ZNF462: variants seen among roughly 807,000 people sequenced by gnomAD.
ZNF462 encodes the protein zinc finger PBX1-interacting protein.
A neutral mutation model predicts 201.9 loss-of-function variants in ZNF462; 10 were observed. The observed-to-expected ratio is 0.05, with a 90% confidence interval of 0.03 to 0.08. The LOEUF (loss-of-function observed/expected upper bound fraction) is 0.08. ZNF462 is among the 10% of genes least tolerant of loss of function. ZNF462 has a pLI of 1.00. For synonymous variants in ZNF462, 1,227 were observed against 1,193.3 expected (o/e 1.03, Z -0.58); for missense variants, 2,523 against 3,168.3 (o/e 0.80, Z 4.89).
intron 1 of ZNF462, among the ~76,000 whole-genome samples, chr9:106,896,483 C>T (rs542216736): frequency 3.9e-5 from 6 of 152,240 alleles, no homozygotes; most frequent in South Asian, 2.1e-4. Flanking sequence ...CACCTAATCT[C>T]GGTTGCAGGA....
At chr9:106,918,792 A>G (rs1829879861) in intron 1 of ZNF462, among the ~76,000 whole-genome samples, 1 of 152,202 alleles carries the variant, frequency 6.6e-6, no homozygotes, top group Non-Finnish European at 1.5e-5. Context: ...TAGCTGAACT[A>G]TTCCAGAATT....
intron 7 of ZNF462, among the ~76,000 whole-genome samples, chr9:106,943,961 T>C (rs901347180): frequency 1.3e-5 from 2 of 152,284 alleles, no homozygotes; most frequent in Non-Finnish European, 2.9e-5. Context: ...TCTGCCAAGA[T>C]AAAAAAATCT....
Position 106,917,603 on chromosome 9 carries a change from C to G in ZNF462, c.-30-5751C>G, listed in dbSNP as rs1829826537. On this transcript the variant is annotated intron_variant, in intron 1 of 12. Coordinates refer to ENST00000277225, the MANE Select transcript of ZNF462 (RefSeq NM_021224.6). The surrounding 1 kb of genome is among the most constrained non-coding windows in gnomAD (Gnocchi z 4.5). ...TTGGTTTTGAAGAACAGCTGTGTCT[C>G]CCTTCTGAATTCCTTAATTATTTAT... Among the ~76,000 whole-genome samples the G allele has an allele frequency of 6.6e-6, 1 of 152,142 alleles. No individual in the cohort carries two copies. Among genetic ancestry groups the G allele is most frequent in the East Asian group, 1.9e-4 (1 of 5,198 alleles).
At chr9:106,894,201 C>T (rs1218510181) in intron 1 of ZNF462, among the ~76,000 whole-genome samples, 3 of 152,216 alleles carry the variant, frequency 2.0e-5, no homozygotes, top group African/African-American at 7.2e-5. Flanking sequence ...AGCCCATGCT[C>T]CTCACTGCCA....
rs79210444 is a variant in ZNF462 at position 106,984,621 on chromosome 9, T to G, written c.7056+212T>G. Reference sequence around the variant, plus strand: ...GGTTGGGTGGAAGGGAAATCACCCATAATTCTACCACACTAGTCCAAATGC... The same window carrying G: ...GGTTGGGTGGAAGGGAAATCACCCAGAATTCTACCACACTAGTCCAAATGC... On this transcript the variant is annotated intron_variant, in intron 10 of 12. Coordinates refer to ENST00000277225, the MANE Select transcript of ZNF462 (RefSeq NM_021224.6). The surrounding 1 kb of genome is among the most constrained non-coding windows in gnomAD (Gnocchi z 6.4). Among the ~76,000 whole-genome samples the G allele has an allele frequency of 0.027, 4,086 of 152,318 alleles. 180 individuals carry two copies. The highest frequency in any genetic ancestry group is 0.093 in the African/African-American group (3,876 of 41,560).
At chr9:106,879,195 T>C (rs1827973587) in intron 1 of ZNF462, among the ~76,000 whole-genome samples, 1 of 152,094 alleles carries the variant, frequency 6.6e-6, no homozygotes, top group Non-Finnish European at 1.5e-5. Context: ...CAGGAGATAA[T>C]TCAGCTGGGC....
chr9:106,885,393 G>A lies in ZNF462; in HGVS notation c.-31+22038G>A, dbSNP rs1252422915. 6.6e-6 allele frequency among the ~76,000 whole-genome samples: 1 copy of A among 152,168 alleles called. No individual in the cohort carries two copies. The highest frequency in any genetic ancestry group is 2.1e-4 in the South Asian group (1 of 4,828). On this transcript the variant is annotated intron_variant, in intron 1 of 12. Coordinates refer to ENST00000277225, the MANE Select transcript of ZNF462 (RefSeq NM_021224.6). This position sits in a 1 kb window ranked among gnomAD's most constrained non-coding sequence, Gnocchi z 4.1. ...AAAATAATTTGAGAAAACTTGTCTG[G>A]TTGACAGTAATTTTTTAGTAACAGA...
chr9:106,926,784 A>G lies in ZNF462; in HGVS notation c.2872A>G (p.Ile958Val). ...CACGGTGAAGATCAACAACGCGATG[A>G]TATTTTCAAGCTATGTCGTGGAGCA... Reference protein sequence around the residue: ...HPTVKINNAMIFSSYVVEQQE... With the variant: ...HPTVKINNAMVFSSYVVEQQE... Residue 958 changes from isoleucine (I) to valine (V), a missense_variant, in exon 3 of 13, where the codon ATA becomes GTA. Around this residue, in one of 15 missense-constraint regions of ZNF462, gnomAD observed 280 missense variants for 321.3 expected, o/e 0.87. Coordinates refer to ENST00000277225, the MANE Select transcript of ZNF462 (RefSeq NM_021224.6). This position sits in a 1 kb window ranked among gnomAD's most constrained non-coding sequence, Gnocchi z 7.9. 1.2e-6 allele frequency: 2 copies of G among 1,614,174 alleles called. No individual in the cohort carries two copies. Among genetic ancestry groups the G allele is most frequent in the South Asian group, 1.1e-5 (1 of 91,080 alleles).
chr9:106,956,508 C>G (rs1831580796), intron 7 of ZNF462, among the ~76,000 whole-genome samples: 1 of 152,148 alleles, frequency 6.6e-6, no homozygotes, highest in African/African-American at 2.4e-5. Context: ...CTGCTGTCAA[C>G]ATAAAGTCAC....
intron 1 of ZNF462, among the ~76,000 whole-genome samples, chr9:106,869,225 G>A (rs1323783592): frequency 1.4e-4 from 21 of 152,188 alleles, no homozygotes; most frequent in Non-Finnish European, 2.9e-4. Context: ...TGGCTGAGAG[G>A]GTGAAATCCA....
In ZNF462 at chr9:106,974,148, C is replaced by A; in HGVS notation, c.6707C>A (p.Thr2236Asn). ...SFYTGFKSAF[T>N]MHVEAGHSAV... ...AAACTCTCTCCTAGATCTGCTTTTA[C>A]TATGCACGTGGAAGCTGGGCACTCA... is the stretch of plus-strand genomic sequence containing the variant. Residue 2236 changes from threonine to asparagine, a missense_variant, in exon 9 of 13, where the codon ACT becomes AAT. Coordinates refer to ENST00000277225, the MANE Select transcript of ZNF462 (RefSeq NM_021224.6). This position sits in a 1 kb window ranked among gnomAD's most constrained non-coding sequence, Gnocchi z 4.0. 1 of 1,614,134 alleles carries A rather than the reference C, an allele frequency of 6.2e-7. No individual in the cohort carries two copies. The highest frequency in any genetic ancestry group is 1.1e-5 in the South Asian group (1 of 91,076).
intron 1 of ZNF462, among the ~76,000 whole-genome samples, chr9:106,889,541 G>A (rs750502351): frequency 1.3e-5 from 2 of 152,152 alleles, no homozygotes; most frequent in Non-Finnish European, 2.9e-5. Flanking sequence ...GCCTTTCCCC[G>A]CTCACACTTT....
At position 106,920,371 on chromosome 9, in the gene ZNF462, C is replaced by T. The variant is rs555954181; in HGVS notation, c.-30-2983C>T. 2.0e-5 allele frequency among the ~76,000 whole-genome samples: 3 copies of T among 152,190 alleles called. No individual in the cohort carries two copies. Among genetic ancestry groups the T allele is most frequent in the Non-Finnish European group, 4.4e-5 (3 of 68,032 alleles). The stretch of plus-strand genomic sequence containing the variant: ...TGCCAGCAACTTCTATTTTCTTCTT[C>T]TGTCAGCGTCTTCAGGAGAAATGTG... On this transcript the variant is annotated intron_variant, in intron 1 of 12. Transcript: ENST00000277225. The surrounding 1 kb of genome is among the most constrained non-coding windows in gnomAD (Gnocchi z 4.3).
chr9:106,897,502 C>T (rs1434267185), intron 1 of ZNF462, among the ~76,000 whole-genome samples: 1 of 151,598 alleles, frequency 6.6e-6, no homozygotes, highest in Non-Finnish European at 1.5e-5. Flanking sequence ...TTAGTAATTC[C>T]ATGGAAATAA....
At position 106,950,181 on chromosome 9, in the gene ZNF462, G is replaced by T. The variant is rs552350209; in HGVS notation, c.6427+11074G>T. Among the ~76,000 whole-genome samples, 2 of 152,206 alleles carry T rather than the reference G, an allele frequency of 1.3e-5. No individual in the cohort carries two copies. Among genetic ancestry groups the T allele is most frequent in the South Asian group, 2.1e-4 (1 of 4,814 alleles). On this transcript the variant is annotated intron_variant, in intron 7 of 12. Coordinates refer to ENST00000277225, the MANE Select transcript of ZNF462 (RefSeq NM_021224.6). The surrounding 1 kb of genome is among the most constrained non-coding windows in gnomAD (Gnocchi z 4.1). ...CCATCTTTTCCAATCTGTTTTCCAG[G>T]ATATCTTTGTTAATCACAAATCAAA...
rs760350016 is a variant in ZNF462 at position 106,924,086 on chromosome 9, T to C, written c.221-47T>C. On this transcript the variant is annotated intron_variant, in intron 2 of 12. Coordinates refer to ENST00000277225, the MANE Select transcript of ZNF462 (RefSeq NM_021224.6). The surrounding 1 kb of genome is among the most constrained non-coding windows in gnomAD (Gnocchi z 6.2). ...TGGTACTGATTTGCATGATTGGATATTTTAATTATCTTTTGCTTTGTCACT... is the reference window on the plus strand; with the variant it reads ...TGGTACTGATTTGCATGATTGGATACTTTAATTATCTTTTGCTTTGTCACT... 6.8e-7 allele frequency: 1 copy of C among 1,468,136 alleles called. No individual in the cohort carries two copies. Among genetic ancestry groups the C allele is most frequent in the African/African-American group, 1.4e-5 (1 of 70,780 alleles). The allele number at this position is 1,468,136 out of a possible 1,614,324, so 90.9% of individuals were successfully genotyped here.
At position 107,005,653 on chromosome 9, in the gene ZNF462, G is replaced by A. The variant is rs2132693857; in HGVS notation, c.7189+2227G>A. Among the ~76,000 whole-genome samples, 3 of 152,230 alleles carry A rather than the reference G, an allele frequency of 2.0e-5. No homozygotes were observed. The highest frequency in any genetic ancestry group is 2.0e-4 in the Admixed American group (3 of 15,278). On this transcript the variant is annotated intron_variant, in intron 11 of 12. Transcript: ENST00000277225. This position sits in a 1 kb window ranked among gnomAD's most constrained non-coding sequence, Gnocchi z 4.4. ...TAGGTTGTCTATTACTGTGTTGATT[G>A]TTTCCTTGGCTGTGCAGAAGCTGTT... is the stretch of plus-strand genomic sequence containing the variant.
chr9:106,957,081 C>T (rs1250170700), intron 7 of ZNF462, among the ~76,000 whole-genome samples: 1 of 152,138 alleles, frequency 6.6e-6, no homozygotes, highest in African/African-American at 2.4e-5. Context: ...CACAAGAGGC[C>T]TGGTTTTCAT....
intron 1 of ZNF462, among the ~76,000 whole-genome samples, chr9:106,915,215 T>C (rs906966714): frequency 9.0e-5 from 13 of 144,364 alleles, no homozygotes; most frequent in African/African-American, 2.8e-4. Flanking sequence ...TTTTTTTTTC[T>C]TTTTTTTTTT....
Sources: allele counts gnomAD v4.1 joint callset (sites outside exome capture counted in the v4.1 genomes callset), GRCh38; gene constraint gnomAD v4.1.1; regional missense constraint gnomAD v4.1.1; non-coding constraint Gnocchi (gnomAD v3.1); transcripts MANE v1.5; gene names NCBI Gene and HGNC (gene_info 2026-07-23, HGNC 2026-07-21).